The following MAX variants were observed in gnomAD, a reference collection of about 807,000 sequenced individuals.
The protein encoded by MAX is MYC associated transcriptional regulator X, also known as protein max.
In MAX, 3 loss-of-function variants were observed where a neutral mutation model predicts 22.3. The observed-to-expected ratio is 0.13, with a 90% CI of 0.06 to 0.35. The LOEUF (loss-of-function observed/expected upper bound fraction) is 0.35, where lower values mean the gene tolerates loss of function less well. Among genes scored for constraint, MAX ranks in the 10% least tolerant of loss-of-function variants. The pLI is 1.00. For synonymous variants in MAX, 72 were observed against 77.7 expected (o/e 0.93, Z 0.39); for missense variants, 119 against 209.4 (o/e 0.57, Z 2.66).
chr14:65,089,181 T>C (rs2063427435), intron 3 of MAX, among the ~76,000 whole-genome samples: 1 of 152,186 alleles, frequency 6.6e-6, no homozygotes, highest in South Asian at 2.1e-4. Flanking sequence ...CTGTTTTCTT[T>C]AATGGCTGAG....
intron 3 of MAX, chr14:65,015,694 A>G (rs777153266): frequency 1.2e-6 from 2 of 1,614,152 alleles, no homozygotes; most frequent in South Asian, 2.2e-5. Context: ...AGATGAACCC[A>G]TCCCCCAGAT....
chr14:65,081,620 G>GT (rs2063201296), intron 3 of MAX, among the ~76,000 whole-genome samples: 1 of 152,222 alleles, frequency 6.6e-6, no homozygotes, highest in African/African-American at 2.4e-5. Context: ...CTATCTTCAT[G>GT]TGAGTGTGAC....
chr14:65,073,800 A>G (rs973402816), downstream of MAX, among the ~76,000 whole-genome samples: 1 of 152,204 alleles, frequency 6.6e-6, no homozygotes, highest in Non-Finnish European at 1.5e-5. Flanking sequence ...GTTCCTGCCC[A>G]GGAAGCTGCT....
At position 65,102,416 on chromosome 14, in the gene MAX, C is replaced by G; in HGVS notation, c.-77G>C. 6.4e-7 allele frequency: 1 copy of G among 1,568,844 alleles called. No individual in the cohort carries two copies. Among genetic ancestry groups the G allele is most frequent in the Non-Finnish European group, 8.6e-7 (1 of 1,159,380 alleles). Reference sequence around the variant, plus strand: ...GTGAAGGGGAGGGGGAAGTCACCGACAACAACAAGCCGAGTCCCCCCCACA... The same window carrying G: ...GTGAAGGGGAGGGGGAAGTCACCGAGAACAACAAGCCGAGTCCCCCCCACA... On this transcript the variant is annotated 5_prime_UTR_variant, in exon 1 of 5. Transcript: ENST00000358664.
rs944363874 is a variant in MAX, at chr14:65,102,488, C to T, written c.-149G>A. 32 of 1,500,730 alleles carry T rather than the reference C, an allele frequency of 2.1e-5. No homozygotes were observed. Among genetic ancestry groups the T allele is most frequent in the Non-Finnish European group, 2.3e-5 (26 of 1,126,134 alleles). The allele number at this position is 1,500,730 out of a possible 1,614,324, so 93.0% of individuals were successfully genotyped here. On this transcript the variant is annotated 5_prime_UTR_variant, in exon 1 of 5. The change creates a new upstream start codon in the 5' untranslated region. Coordinates refer to ENST00000358664, the MANE Select transcript of MAX (RefSeq NM_002382.5). ...ACTCGCTCTCTCACTCACACACACACACAACACGGGCAAGAACCACCTCCT... is the reference window on the plus strand; with the variant it reads ...ACTCGCTCTCTCACTCACACACACATACAACACGGGCAAGAACCACCTCCT...
chr14:65,059,005 C>T (rs1181651278), intron 3 of MAX, among the ~76,000 whole-genome samples: 1 of 152,076 alleles, frequency 6.6e-6, no homozygotes, highest in Non-Finnish European at 1.5e-5. Context: ...TAGCTTCCTG[C>T]ACCTCTTACC....
rs1566586645 is a variant in MAX at position 65,062,172 on chromosome 14, T to G, written c.171+31536A>C. 6.6e-6 allele frequency: 1 copy of G among 152,462 alleles called. No homozygotes were observed. The highest frequency in any genetic ancestry group is 1.5e-5 in the Non-Finnish European group (1 of 68,210). 9.4% of individuals were successfully genotyped at this position (152,462 alleles called of 1,614,324 possible). On this transcript the variant is annotated intron_variant, in intron 3 of 3. Transcript: ENST00000341653. This position sits in a 1 kb window ranked among gnomAD's most constrained non-coding sequence, Gnocchi z 4.3. Reference sequence around the variant, plus strand: ...CGAGGCCCTTCTGGGGGTTTCTATCTTTCTTCCACCAGACTCCAAGCCCAC... The same window carrying G: ...CGAGGCCCTTCTGGGGGTTTCTATCGTTCTTCCACCAGACTCCAAGCCCAC...
chr14:65,094,197 T>C, intron 2 of MAX: 1 of 318,890 alleles, frequency 3.1e-6, no homozygotes, highest in East Asian at 7.7e-5. Flanking sequence ...TGGCCCCTTC[T>C]TAAGATGTGA....
In MAX at chr14:65,077,307, T is replaced by C. The variant is rs2063085316; in HGVS notation, c.295+606A>G. 3.6e-6 allele frequency: 5 copies of C among 1,404,840 alleles called. No individual in the cohort carries two copies. The highest frequency in any genetic ancestry group is 5.0e-6 in the Non-Finnish European group (5 of 997,798). 87.0% of individuals were successfully genotyped at this position (1,404,840 alleles called of 1,614,324 possible). ...AACCCATTTAATTTATTTTATTTTA[T>C]TTTATTTGAGGTTTTCTAACCCAGG... On this transcript the variant is annotated intron_variant, in intron 4 of 4. Coordinates refer to ENST00000358664, the MANE Select transcript of MAX (RefSeq NM_002382.5). The surrounding 1 kb of genome is among the most constrained non-coding windows in gnomAD (Gnocchi z 6.3).
Position 65,084,375 on chromosome 14 carries a change from A to C in MAX, c.172-6339T>G. On this transcript the variant is annotated intron_variant, in intron 3 of 4. Coordinates refer to ENST00000358664, the MANE Select transcript of MAX (RefSeq NM_002382.5). The surrounding 1 kb of genome is among the most constrained non-coding windows in gnomAD (Gnocchi z 4.3). ...AATACAAAATTACTAACTTTTGTTT[A>C]CTGAATTAGTTACCCTCTTCCAAAA... 1.1e-6 allele frequency: 1 copy of C among 948,174 alleles called. No homozygotes were observed. Among genetic ancestry groups the C allele is most frequent in the Non-Finnish European group, 1.7e-6 (1 of 595,420 alleles). 58.7% of individuals were successfully genotyped at this position (948,174 alleles called of 1,614,324 possible).
chr14:65,054,509 T>C lies in MAX; in HGVS notation c.171+39199A>G. The C allele has an allele frequency of 1.3e-6, 2 of 1,494,308 alleles. No individual in the cohort carries two copies. The highest frequency in any genetic ancestry group is 4.9e-5 in the East Asian group (2 of 41,126). 92.6% of individuals were successfully genotyped at this position (1,494,308 alleles called of 1,614,324 possible). A position where few individuals can be genotyped will look rare whatever the true frequency, so the allele number is the denominator to read the frequency against. ...ATTGCACCAGTGGTCTCTGAATTGGTGTGGCTACATTTGTAGATGTGTGCG... is the reference window on the plus strand; with the variant it reads ...ATTGCACCAGTGGTCTCTGAATTGGCGTGGCTACATTTGTAGATGTGTGCG... On this transcript the variant is annotated intron_variant, in intron 3 of 3. Coordinates refer to the MAX transcript ENST00000341653. This position sits in a 1 kb window ranked among gnomAD's most constrained non-coding sequence, Gnocchi z 4.4.
chr14:65,027,579 G>A lies in MAX; in HGVS notation c.172-21295C>T. 1.2e-6 allele frequency: 2 copies of A among 1,614,188 alleles called. No individual in the cohort carries two copies. The highest frequency in any genetic ancestry group is 1.3e-5 in the African/African-American group (1 of 75,044). On this transcript the variant is annotated intron_variant, in intron 3 of 3. Coordinates refer to the MAX transcript ENST00000341653. The surrounding 1 kb of genome is among the most constrained non-coding windows in gnomAD (Gnocchi z 5.7). ...CATTGTGCATCATTGGCACCGAGGA[G>A]GCCTATGACATCATTAACAGGTACA...
intron 3 of MAX, among the ~76,000 whole-genome samples, chr14:65,006,967 G>C (rs1021264181): frequency 6.6e-6 from 1 of 152,078 alleles, no homozygotes; most frequent in Non-Finnish European, 1.5e-5. Flanking sequence ...TTCCTCCTGG[G>C]CTCGGATCCT....
intron 1 of MAX, 106 bp downstream of exon 1, chr14:65,102,198 G>C: frequency 6.4e-7 from 1 of 1,561,178 alleles, no homozygotes; most frequent in Non-Finnish European, 8.7e-7. Context: ...GGAAGGGGAA[G>C]GAGGCGGCGG....
At chr14:65,017,789 C>A (rs1372603776) in intron 3 of MAX, among the ~76,000 whole-genome samples, 1 of 152,040 alleles carries the variant, frequency 6.6e-6, no homozygotes, top group East Asian at 1.9e-4. Flanking sequence ...AACCCCATCT[C>A]TACTAAAATA....
chr14:65,041,573 A>G (rs1238575002), intron 3 of MAX, among the ~76,000 whole-genome samples: 1 of 152,144 alleles, frequency 6.6e-6, no homozygotes, highest in Admixed American at 6.5e-5. Context: ...CATGACGTCA[A>G]AGCAAACCAG....
rs2062637728 is a variant in MAX, at chr14:65,052,453, G to A, written c.171+41255C>T. Among the ~76,000 whole-genome samples the A allele has an allele frequency of 3.3e-5, 5 of 152,098 alleles. No homozygotes were observed. In the South Asian group the frequency reaches 6.2e-4, roughly 19 times the overall value. On this transcript the variant is annotated intron_variant, in intron 3 of 3. Transcript: ENST00000341653. ...ATATAAAATTGACCAAGGACTTAGTGTACATCCTATATGTATATATATTTT... is the reference window on the plus strand; with the variant it reads ...ATATAAAATTGACCAAGGACTTAGTATACATCCTATATGTATATATATTTT...
At chr14:65,090,641 AC>A (rs1458988779) in intron 3 of MAX, 9 of 152,120 alleles carry the variant, frequency 5.9e-5, no homozygotes, top group Non-Finnish European at 1.3e-4. Context: ...AGTAGCCAGG[AC>A]TACAGGTAAG....
chr14:65,084,202 T>C lies in MAX; in HGVS notation c.172-6166A>G, dbSNP rs781393600. On this transcript the variant is annotated intron_variant, in intron 3 of 4. Transcript: ENST00000358664. The surrounding 1 kb of genome is among the most constrained non-coding windows in gnomAD (Gnocchi z 4.3). ...TTTTTAAATCTTGCATTCTTTTTTC[T>C]TGTGCACTTGGTAGCTTGAAATGAA... is the stretch of plus-strand genomic sequence containing the variant. 8 of 1,614,034 alleles carry C rather than the reference T, an allele frequency of 5.0e-6. No individual in the cohort carries two copies. The highest frequency in any genetic ancestry group is 6.8e-6 in the Non-Finnish European group (8 of 1,179,998).
Sources: allele counts gnomAD v4.1 joint callset (sites outside exome capture counted in the v4.1 genomes callset), GRCh38; gene constraint gnomAD v4.1.1; non-coding constraint Gnocchi (gnomAD v3.1); transcripts MANE v1.5; gene names NCBI Gene and HGNC (gene_info 2026-07-23, HGNC 2026-07-21).